The following GPHN variants were observed in gnomAD, a reference collection of about 807,000 sequenced individuals.
GPHN encodes the protein gephyrin.
A neutral mutation model predicts 95.5 loss-of-function variants in GPHN; 17 were observed. The ratio of observed to expected loss-of-function variants is 0.18; its 90% CI spans 0.12 to 0.27. GPHN has a LOEUF of 0.27. Ranked by LOEUF, GPHN falls within the 10% of genes least tolerant of loss-of-function variation. The pLI, the probability that GPHN is intolerant of heterozygous loss-of-function variation, is 1.00. For synonymous variants in GPHN, 320 were observed against 322.5 expected (o/e 0.99, Z 0.08); for missense variants, 660 against 978.1 (o/e 0.67, Z 4.34).
intron 9 of GPHN, among the ~76,000 whole-genome samples, chr14:67,009,453 TTATAAA>T (rs1438165228): frequency 7.9e-5 from 12 of 152,222 alleles, no homozygotes; most frequent in Non-Finnish European, 1.6e-4. Context: ...AAAAGACTAT[TTATAAA>T]TAGAATATGC....
chr14:67,701,425 C>CTTTTTTTTTTTTTTTTTTTTTTTTT, the GPHN span, among the ~76,000 whole-genome samples: 2 of 71,128 alleles, frequency 2.8e-5, no homozygotes, highest in Non-Finnish European at 2.8e-5. Flanking sequence ...ATTATAATTT[C>CTTTTTTTTTTTTTTTTTTTTTTTTT]TTTTTTTTTT....
intron 1 of GPHN, among the ~76,000 whole-genome samples, chr14:66,540,737 A>G (rs2059324530): frequency 1.3e-5 from 2 of 152,130 alleles, no homozygotes; most frequent in Admixed American, 6.5e-5. Context: ...CGCTTACTAT[A>G]ATGTTCAATT....
At chr14:67,397,846 C>A in the GPHN span, 3 of 1,592,880 alleles carry the variant, frequency 1.9e-6, no homozygotes, top group Admixed American at 1.7e-5. Flanking sequence ...GACAAGAAAG[C>A]CCTGAGGTGA....
chr14:67,251,589 A>G, the GPHN span, among the ~76,000 whole-genome samples: 5 of 113,216 alleles, frequency 4.4e-5, no homozygotes, highest in Middle Eastern at 4.2e-3. Context: ...TGTAAATTGT[A>G]AATAAGCTCC....
At chr14:66,995,400 A>G (rs953894109) in intron 9 of GPHN, among the ~76,000 whole-genome samples, 44 of 152,186 alleles carry the variant, frequency 2.9e-4, no homozygotes, top group African/African-American at 1.1e-3. Flanking sequence ...TTATATTTTT[A>G]TAGTGTTGCT....
At chr14:67,371,343 C>G in the GPHN span, among the ~76,000 whole-genome samples, 1 of 151,784 alleles carries the variant, frequency 6.6e-6, no homozygotes, top group Non-Finnish European at 1.5e-5. Context: ...CGGCTTGAGC[C>G]CAGGAGTTTG....
At chr14:67,485,623 T>C in the GPHN span, among the ~76,000 whole-genome samples, 1 of 152,222 alleles carries the variant, frequency 6.6e-6, no homozygotes, top group Non-Finnish European at 1.5e-5. Context: ...TGCAGGCCTC[T>C]GATCCCACCA....
At chr14:67,451,808 G>C in the GPHN span, among the ~76,000 whole-genome samples, 3,032 of 152,264 alleles carry the variant, frequency 0.02, 41 homozygotes, top group Non-Finnish European at 0.034. Flanking sequence ...GGGACTGTTG[G>C]GACGGCATGA....
At chr14:66,785,583 A>AT (rs1244671739) in intron 3 of GPHN, among the ~76,000 whole-genome samples, 4 of 151,524 alleles carry the variant, frequency 2.6e-5, no homozygotes, top group East Asian at 3.9e-4. Context: ...AACAACACAC[A>AT]TTTTTTTTCA....
the GPHN span, among the ~76,000 whole-genome samples, chr14:67,321,955 T>G: frequency 6.6e-6 from 1 of 152,242 alleles, no homozygotes; most frequent in African/African-American, 2.4e-5. Context: ...ATGGTTTAAA[T>G]GCCATTGTTC....
At chr14:66,774,769 C>T (rs1475082807) in intron 2 of GPHN, among the ~76,000 whole-genome samples, 2 of 152,158 alleles carry the variant, frequency 1.3e-5, no homozygotes, top group African/African-American at 2.4e-5. Flanking sequence ...AAAGGTCCCT[C>T]CTTTGTACCA....
At chr14:67,378,914 TTTTA>T in the GPHN span, among the ~76,000 whole-genome samples, 4 of 152,232 alleles carry the variant, frequency 2.6e-5, no homozygotes, top group Non-Finnish European at 4.4e-5. Context: ...TATCATTTGT[TTTTA>T]TTGTTTTACT....
chr14:67,385,200 TAA>T, the GPHN span: 1 of 152,142 alleles, frequency 6.6e-6, no homozygotes, highest in Non-Finnish European at 1.5e-5. Flanking sequence ...CTTGCTAACC[TAA>T]AAGACAGCAG....
intron 3 of GPHN, among the ~76,000 whole-genome samples, chr14:66,812,730 A>G (rs2060811731): frequency 6.6e-6 from 1 of 152,232 alleles, no homozygotes; most frequent in South Asian, 2.1e-4. Context: ...AAATAAAACT[A>G]CTAATCCAGC....
At chr14:67,376,279 A>C in the GPHN span, among the ~76,000 whole-genome samples, 4 of 152,188 alleles carry the variant, frequency 2.6e-5, no homozygotes, top group African/African-American at 9.6e-5. Context: ...ATTGTATACT[A>C]TCTCTACTTT....
At chr14:66,916,119 C>A in intron 6 of GPHN, 50 bp downstream of exon 6, 1 of 1,260,590 alleles carries the variant, frequency 7.9e-7, no homozygotes, top group Non-Finnish European at 1.2e-6. Flanking sequence ...TTTTGACCAG[C>A]CGTGAAAGTT....
chr14:67,585,942 T>C, the GPHN span: 8 of 1,608,762 alleles, frequency 5.0e-6, no homozygotes, highest in Non-Finnish European at 6.8e-6. Context: ...GACTGGTTCC[T>C]TTCCACAGCA....
intron 9 of GPHN, chr14:66,969,171 C>G (rs1018901024): frequency 7.9e-5 from 12 of 151,944 alleles, no homozygotes; most frequent in Non-Finnish European, 1.3e-4. Flanking sequence ...TCTTTTATAT[C>G]ATATATTTTC....
At chr14:67,276,174 TTTAATTATTC>T in the GPHN span, among the ~76,000 whole-genome samples, 1 of 149,720 alleles carries the variant, frequency 6.7e-6, no homozygotes, top group Non-Finnish European at 1.5e-5. Flanking sequence ...CTTAAAATGT[TTTAATTATTC>T]TTACTATTTT....
Sources: allele counts gnomAD v4.1 joint callset (sites outside exome capture counted in the v4.1 genomes callset), GRCh38; gene constraint gnomAD v4.1.1; transcripts MANE v1.5; gene names NCBI Gene and HGNC (gene_info 2026-07-23, HGNC 2026-07-21).